PTPRG: variants seen among roughly 807,000 people sequenced by gnomAD.
PTPRG encodes the protein protein tyrosine phosphatase receptor type G, also known as receptor-type tyrosine-protein phosphatase gamma.
Under a neutral mutation model 165.3 loss-of-function variants are expected in PTPRG, and 102 were observed. That is an observed-to-expected ratio of 0.62 (90% CI 0.53 to 0.73). The LOEUF is 0.73. Among genes scored for constraint, PTPRG ranks in the 30% least tolerant of loss-of-function variants. The pLI is 0.00. For synonymous variants in PTPRG, 675 were observed against 669.5 expected (o/e 1.01, Z -0.13); for missense variants, 1,866 against 1,861.4 (o/e 1.00, Z -0.05).
chr3:62,246,760 A>C (rs1269252276), intron 15 of PTPRG, among the ~76,000 whole-genome samples: 1 of 152,130 alleles, frequency 6.6e-6, no homozygotes, highest in Non-Finnish European at 1.5e-5. Flanking sequence ...AGCTCCTATG[A>C]AGTATTTATT....
intron 2 of PTPRG, among the ~76,000 whole-genome samples, chr3:61,982,125 T>C (rs879261729): frequency 8.5e-5 from 13 of 152,176 alleles, no homozygotes; most frequent in Non-Finnish European, 1.2e-4. Flanking sequence ...AAAGAACATA[T>C]TAGTCAAAAT....
intron 5 of PTPRG, among the ~76,000 whole-genome samples, chr3:62,096,913 A>G (rs888828897): frequency 6.6e-6 from 1 of 152,172 alleles, no homozygotes; most frequent in African/African-American, 2.4e-5. Flanking sequence ...AAGACCTCCC[A>G]TTTAGGTTTC....
intron 2 of PTPRG, among the ~76,000 whole-genome samples, chr3:61,782,243 G>C (rs924458437): frequency 1.3e-5 from 2 of 152,158 alleles, no homozygotes; most frequent in African/African-American, 4.8e-5. Flanking sequence ...CATTAAACTT[G>C]CTTAAAGATG....
intron 2 of PTPRG, among the ~76,000 whole-genome samples, chr3:61,956,831 T>C (rs78571726): frequency 6.6e-6 from 1 of 152,212 alleles, no homozygotes; most frequent in African/African-American, 2.4e-5. Flanking sequence ...ATTGGCTCTT[T>C]AGCTATTTCC....
chr3:61,571,561 C>T (rs976242919), intron 1 of PTPRG, among the ~76,000 whole-genome samples: 4 of 152,122 alleles, frequency 2.6e-5, no homozygotes, highest in Admixed American at 2.6e-4. Flanking sequence ...AAGAGATGAC[C>T]TTTCAGCAAA....
chr3:62,246,259 ATGTTAAAGGGCTTACC>A (rs1701287785), intron 15 of PTPRG, among the ~76,000 whole-genome samples: 1 of 152,212 alleles, frequency 6.6e-6, no homozygotes, highest in South Asian at 2.1e-4. Flanking sequence ...AGGCAGTGTG[ATGTTAAAGGGCTTACC>A]TAGTGAAATG....
intron 3 of PTPRG, 114 bp from the exon 4 acceptor site, chr3:62,003,235 A>C: frequency 8.1e-7 from 1 of 1,231,646 alleles, no homozygotes; most frequent in Non-Finnish European, 1.1e-6. Context: ...TCATAGGTAC[A>C]TGAGGACATA....
intron 2 of PTPRG, among the ~76,000 whole-genome samples, chr3:61,799,735 T>G (rs1465848104): frequency 6.6e-6 from 1 of 152,228 alleles, no homozygotes; most frequent in Non-Finnish European, 1.5e-5. Flanking sequence ...TTCTCCACTG[T>G]AAGTTTGCCC....
At chr3:61,827,308 T>C (rs1330443308) in intron 2 of PTPRG, among the ~76,000 whole-genome samples, 2 of 152,226 alleles carry the variant, frequency 1.3e-5, no homozygotes, top group African/African-American at 2.4e-5. Flanking sequence ...ATGTGGTAAA[T>C]ATAGGGCTTT....
chr3:62,183,560 C>T (rs1302711596), intron 8 of PTPRG, among the ~76,000 whole-genome samples: 3 of 138,186 alleles, frequency 2.2e-5, no homozygotes, highest in Non-Finnish European at 4.7e-5. Flanking sequence ...TGAGACTCGT[C>T]TCAATTAAAA....
At chr3:62,124,527 G>A in intron 5 of PTPRG, 1 of 1,549,996 alleles carries the variant, frequency 6.5e-7, no homozygotes. Context: ...TCATCCACCG[G>A]GGTTTTGCTC....
At chr3:61,709,595 G>A (rs926153028) in intron 1 of PTPRG, among the ~76,000 whole-genome samples, 12 of 152,292 alleles carry the variant, frequency 7.9e-5, no homozygotes, top group Admixed American at 5.2e-4. Context: ...GATTACAGGT[G>A]TGAGCCACCG....
intron 2 of PTPRG, among the ~76,000 whole-genome samples, chr3:61,943,850 T>G (rs1213463219): frequency 1.3e-5 from 2 of 152,178 alleles, no homozygotes; most frequent in Non-Finnish European, 1.5e-5. Context: ...ACTAATGGGA[T>G]AGAGGTCATC....
intron 5 of PTPRG, among the ~76,000 whole-genome samples, chr3:62,131,220 C>T (rs1301716734): frequency 6.6e-6 from 1 of 152,056 alleles, no homozygotes; most frequent in Non-Finnish European, 1.5e-5. Context: ...GTCAGTAGCC[C>T]CTCCCCTTCT....
At chr3:61,915,354 C>T (rs568879500) in intron 2 of PTPRG, among the ~76,000 whole-genome samples, 5 of 152,296 alleles carry the variant, frequency 3.3e-5, no homozygotes, top group African/African-American at 1.2e-4. Context: ...CAGTGTTTCT[C>T]CCCCTATTTT....
intron 5 of PTPRG, among the ~76,000 whole-genome samples, chr3:62,092,439 G>GGAAAAAAAA (rs369183881): frequency 3.4e-5 from 3 of 89,432 alleles, no homozygotes; most frequent in South Asian, 4.0e-4. Flanking sequence ...GAGTCCATCT[G>GGAAAAAAAA]AAAAAAAAAA....
Position 61,870,077 on chromosome 3 carries a change from C to A in PTPRG, c.191-119548C>A, listed in dbSNP as rs2037523727. Among the ~76,000 whole-genome samples the A allele has an allele frequency of 2.0e-5, 3 of 151,496 alleles. No individual in the cohort carries two copies. In the South Asian group the frequency reaches 6.2e-4, roughly 31 times the overall value. On this transcript the variant is annotated intron_variant, in intron 2 of 29. Transcript: ENST00000474889. ...AAGTCTTCACCTCCCAGTACCATCA[C>A]CTTGGGGCTTAAGTTTCAAGATATG...
At chr3:61,609,536 A>G (rs369337065) in intron 1 of PTPRG, among the ~76,000 whole-genome samples, 91 of 152,328 alleles carry the variant, frequency 6.0e-4, no homozygotes, top group African/African-American at 2.0e-3. Context: ...ATCTCTTATC[A>G]TTCCAGATGT....
At chr3:62,181,037 T>C (rs1219022806) in intron 8 of PTPRG, among the ~76,000 whole-genome samples, 2 of 152,234 alleles carry the variant, frequency 1.3e-5, no homozygotes, top group Non-Finnish European at 2.9e-5. Context: ...TAATACTCAT[T>C]TGTTTGCTGA....
Sources: allele counts gnomAD v4.1 joint callset (sites outside exome capture counted in the v4.1 genomes callset), GRCh38; gene constraint gnomAD v4.1.1; transcripts MANE v1.5; gene names NCBI Gene and HGNC (gene_info 2026-07-23, HGNC 2026-07-21).